Variants in CACNA2D1 observed in about 807,000 individuals in gnomAD.
CACNA2D1 encodes calcium voltage-gated channel auxiliary subunit alpha2delta 1.
CACNA2D1 carries 53 observed loss-of-function variants against 171.5 expected under a neutral mutation model. That is an observed-to-expected ratio of 0.31 (90% CI 0.25 to 0.39). The LOEUF is 0.39. CACNA2D1 is among the 10% of genes least tolerant of loss of function. CACNA2D1 has a pLI of 1.00. For synonymous variants in CACNA2D1, 442 were observed against 443.1 expected (o/e 1.00, Z 0.03); for missense variants, 903 against 1,299.8 (o/e 0.69, Z 4.69).
chr7:82,069,927 A>G (rs1340922906), intron 7 of CACNA2D1, among the ~76,000 whole-genome samples: 1 of 151,868 alleles, frequency 6.6e-6, no homozygotes, highest in African/African-American at 2.4e-5. Flanking sequence ...TTTAAAAGTC[A>G]CTCCTGGTCC....
At chr7:81,972,914 G>T (rs2130475539) in intron 25 of CACNA2D1, among the ~76,000 whole-genome samples, 1 of 151,930 alleles carries the variant, frequency 6.6e-6, no homozygotes, top group South Asian at 2.1e-4. Flanking sequence ...CCCTATTTTG[G>T]AGTACATTTT....
rs551884073 is a variant in CACNA2D1, at chr7:82,257,104, G to A, written c.294+78031C>T. Among the ~76,000 whole-genome samples, 42 of 152,164 alleles carry A rather than the reference G, an allele frequency of 2.8e-4. No homozygotes were observed. In the South Asian group the frequency reaches 3.7e-3, roughly 14 times the overall value. ...TTTTGCTACACTGGCTTCATTTTTT[G>A]TATTTGTGTCAAGTTTTAACATTTT... On this transcript the variant is annotated intron_variant, in intron 3 of 38. Coordinates refer to ENST00000356860, the MANE Select transcript of CACNA2D1 (RefSeq NM_000722.4).
At chr7:82,003,906 C>T (rs1250715535) in intron 18 of CACNA2D1, among the ~76,000 whole-genome samples, 10 of 152,056 alleles carry the variant, frequency 6.6e-5, no homozygotes, top group Non-Finnish European at 1.2e-4. Flanking sequence ...CCACCACACC[C>T]GGCTAATTTT....
intron 1 of CACNA2D1, among the ~76,000 whole-genome samples, chr7:82,355,813 T>C (rs1357271287): frequency 1.4e-5 from 2 of 146,160 alleles, no homozygotes; most frequent in Non-Finnish European, 3.0e-5. Flanking sequence ...TCCTTCTCCA[T>C]ATATAATCTC....
At chr7:82,201,015 A>G (rs1489009922) in intron 3 of CACNA2D1, among the ~76,000 whole-genome samples, 1 of 152,190 alleles carries the variant, frequency 6.6e-6, no homozygotes, top group African/African-American at 2.4e-5. Context: ...CAAAGTGTAT[A>G]TGTTTATTGA....
intron 3 of CACNA2D1, among the ~76,000 whole-genome samples, chr7:82,219,993 T>A (rs78456276): frequency 0.02 from 3,032 of 152,246 alleles, 205 homozygotes; most frequent in Admixed American, 0.12. Context: ...TATTGTAGAT[T>A]CACTGTTTTT....
chr7:82,321,468 C>T (rs934369761), intron 3 of CACNA2D1, among the ~76,000 whole-genome samples: 4 of 152,020 alleles, frequency 2.6e-5, no homozygotes, highest in Admixed American at 6.6e-5. Flanking sequence ...AGATGGCTTT[C>T]GCCTCAAAAT....
chr7:82,343,538 C>T (rs1032288838), intron 2 of CACNA2D1, among the ~76,000 whole-genome samples: 2 of 152,050 alleles, frequency 1.3e-5, no homozygotes, highest in East Asian at 1.9e-4. Context: ...TTAGGATAAA[C>T]GCATTTGACA....
At chr7:82,265,205 CT>C (rs1288645574) in intron 3 of CACNA2D1, among the ~76,000 whole-genome samples, 1 of 152,160 alleles carries the variant, frequency 6.6e-6, no homozygotes, top group African/African-American at 2.4e-5. Flanking sequence ...CTAAAAACAT[CT>C]TTTAATTGCA....
At chr7:82,383,818 G>T (rs974018011) in intron 1 of CACNA2D1, among the ~76,000 whole-genome samples, 18 of 152,224 alleles carry the variant, frequency 1.2e-4, no homozygotes, top group Middle Eastern at 6.8e-3. Context: ...TGACTATTTT[G>T]TTCAAAGTTC....
intron 3 of CACNA2D1, among the ~76,000 whole-genome samples, chr7:82,303,513 G>A (rs1175156192): frequency 1.4e-5 from 2 of 147,906 alleles, no homozygotes; most frequent in Non-Finnish European, 3.0e-5. Flanking sequence ...TGAAACTGGA[G>A]GCATCAGTAC....
chr7:82,194,525 CT>C (rs528833371), intron 3 of CACNA2D1, among the ~76,000 whole-genome samples: 1 of 151,670 alleles, frequency 6.6e-6, no homozygotes, highest in African/African-American at 2.4e-5. Context: ...TATATCTTCA[CT>C]TTTTTTAATG....
chr7:82,279,264 A>T (rs1809764295), intron 3 of CACNA2D1, among the ~76,000 whole-genome samples: 1 of 152,114 alleles, frequency 6.6e-6, no homozygotes, highest in African/African-American at 2.4e-5. Flanking sequence ...CCCCTCCTCT[A>T]TTTCAGGCTG....
chr7:81,960,584 CATT>C (rs1793987561), intron 36 of CACNA2D1, among the ~76,000 whole-genome samples: 1 of 152,002 alleles, frequency 6.6e-6, no homozygotes, highest in South Asian at 2.1e-4. Context: ...ATTTCTTTAT[CATT>C]ATACATTTTG....
At chr7:82,094,587 A>G (rs571297462) in intron 6 of CACNA2D1, among the ~76,000 whole-genome samples, 87 of 152,302 alleles carry the variant, frequency 5.7e-4, no homozygotes, top group African/African-American at 2.0e-3. Flanking sequence ...CTCGTGTATT[A>G]CTCAGCAGAT....
intron 2 of CACNA2D1, among the ~76,000 whole-genome samples, chr7:82,349,301 G>A (rs533992336): frequency 1.3e-5 from 2 of 152,064 alleles, no homozygotes; most frequent in East Asian, 1.9e-4. Flanking sequence ...TTAAATTTAC[G>A]GAGAGTATAC....
At chr7:82,077,559 A>T (rs1203220030) in intron 7 of CACNA2D1, among the ~76,000 whole-genome samples, 4 of 152,068 alleles carry the variant, frequency 2.6e-5, no homozygotes, top group African/African-American at 7.2e-5. Flanking sequence ...ATGAGTAAAA[A>T]CCAAACTTCC....
intron 1 of CACNA2D1, among the ~76,000 whole-genome samples, chr7:82,432,394 A>G (rs1262416153): frequency 4.6e-5 from 7 of 152,268 alleles, no homozygotes. Flanking sequence ...TTCATCTTGG[A>G]AACTCAGGAA....
intron 3 of CACNA2D1, among the ~76,000 whole-genome samples, chr7:82,334,839 T>C (rs1159080651): frequency 3.3e-5 from 5 of 152,136 alleles, no homozygotes; most frequent in African/African-American, 1.2e-4. Flanking sequence ...ATGATGTACA[T>C]ATGGATTTAA....
Sources: gnomAD v4.1 joint callset for allele counts (sites outside exome capture counted in the v4.1 genomes callset) on GRCh38, gnomAD v4.1.1 for gene constraint, MANE v1.5 for transcripts, NCBI Gene and HGNC (gene_info 2026-07-23, HGNC 2026-07-21) for gene names.